NSUN6: variants seen among roughly 807,000 people sequenced by gnomAD.
The protein encoded by NSUN6 is NOP2/Sun RNA methyltransferase 6.
Under a neutral mutation model 58.0 loss-of-function variants are expected in NSUN6, and 64 were observed. That is an observed-to-expected ratio of 1.10 (90% CI 0.90 to 1.36). NSUN6 has a LOEUF of 1.36. Ranked by LOEUF, NSUN6 falls within the 40% of genes most tolerant of loss-of-function variation. NSUN6 has a pLI of 0.00. For synonymous variants in NSUN6, 231 were observed against 193.9 expected, an observed-to-expected ratio of 1.19 and a Z score of -1.59; for missense variants, 701 against 550.1, an observed-to-expected ratio of 1.27 and a Z score of -2.74.
At chr10:18,615,200 C>T (rs1315448265) in intron 4 of NSUN6, among the ~76,000 whole-genome samples, 1 of 151,652 alleles carries the variant, frequency 6.6e-6, no homozygotes, top group East Asian at 1.9e-4. Flanking sequence ...ATACAGTGTA[C>T]AGAGTTGCTT....
chr10:18,565,141 T>C (rs893751088), intron 8 of NSUN6, among the ~76,000 whole-genome samples: 3 of 151,294 alleles, frequency 2.0e-5, no homozygotes, highest in Non-Finnish European at 3.0e-5. Flanking sequence ...CCATTCTCCA[T>C]TGCATACCAT....
chr10:18,651,082 T>C (rs979394421), intron 1 of NSUN6, 47 bp downstream of exon 1: 2 of 1,571,284 alleles, frequency 1.3e-6, no homozygotes, highest in Non-Finnish European at 1.7e-6. Context: ...AGTGTGCGAA[T>C]ATTTGAGTTT....
At chr10:18,625,406 T>C (rs1328490108) in intron 3 of NSUN6, among the ~76,000 whole-genome samples, 1 of 152,090 alleles carries the variant, frequency 6.6e-6, no homozygotes, top group African/African-American at 2.4e-5. Flanking sequence ...CTACACTGTG[T>C]CTCATCAAAA....
Position 18,643,956 on chromosome 10 carries a change from A to C in NSUN6, c.232-1401T>G, listed in dbSNP as rs548157875. Among the ~76,000 whole-genome samples the C allele has an allele frequency of 6.6e-5, 10 of 152,306 alleles. No homozygotes were observed. The South Asian group carries it at 2.1e-3, about 32-fold the overall frequency. ...CCTTCATAACACACGTTTTTTTCCA[A>C]ACCAAGTATATCACCAGCTTCTTTT... is the stretch of plus-strand genomic sequence containing the variant. On this transcript the variant is annotated intron_variant, in intron 2 of 10. Coordinates refer to ENST00000377304, the MANE Select transcript of NSUN6 (RefSeq NM_182543.5).
rs574717837 is a variant in NSUN6, at chr10:18,595,955, T to A, written c.777+253A>T. Among the ~76,000 whole-genome samples the A allele has an allele frequency of 7.9e-4, 121 of 152,306 alleles. 2 individuals carry two copies. The South Asian group carries it at 0.025, about 31-fold the overall frequency. ...AGAAAATGAAATAATCTAAATGTAT[T>A]AAATTTAATTTCTTAACAGATTAAG... On this transcript the variant is annotated intron_variant, in intron 7 of 10. Transcript: ENST00000377304.
At chr10:18,596,448 G>A (rs2057590782) in intron 6 of NSUN6, 121 bp from the exon 7 acceptor site, 1 of 594,434 alleles carries the variant, frequency 1.7e-6, no homozygotes, top group Admixed American at 3.2e-5. Context: ...TCTGCTAAGA[G>A]GACAATTTTT....
intron 8 of NSUN6, among the ~76,000 whole-genome samples, chr10:18,578,136 G>T (rs1210445377): frequency 6.6e-6 from 1 of 152,036 alleles, no homozygotes; most frequent in Non-Finnish European, 1.5e-5. Context: ...TTATAACCAG[G>T]AGGTGCCCTG....
intron 7 of NSUN6, among the ~76,000 whole-genome samples, chr10:18,592,760 G>A (rs972084635): frequency 1.3e-5 from 2 of 152,094 alleles, no homozygotes; most frequent in African/African-American, 4.8e-5. Context: ...AAAAACCCTA[G>A]AAGAAAACCT....
intron 6 of NSUN6, among the ~76,000 whole-genome samples, chr10:18,604,052 G>A (rs1296567812): frequency 2.0e-5 from 3 of 152,028 alleles, no homozygotes; most frequent in Admixed American, 2.0e-4. Flanking sequence ...CATAGTGGCG[G>A]GGGCCTGCAG....
intron 7 of NSUN6, among the ~76,000 whole-genome samples, chr10:18,593,709 G>C (rs1382856355): frequency 6.6e-6 from 1 of 152,084 alleles, no homozygotes; most frequent in Non-Finnish European, 1.5e-5. Context: ...GCCTGTCAAA[G>C]GGTTGGAGGT....
intron 2 of NSUN6, among the ~76,000 whole-genome samples, chr10:18,647,809 ACTGCAACCTCCAC>A (rs1202377444): frequency 7.2e-6 from 1 of 139,230 alleles, no homozygotes; most frequent in Admixed American, 8.4e-5. Flanking sequence ...ATTTCGGCTC[ACTGCAACCTCCAC>A]CTCCCGGGTT....
intron 7 of NSUN6, among the ~76,000 whole-genome samples, chr10:18,595,561 T>C (rs993538426): frequency 1.3e-5 from 2 of 152,224 alleles, no homozygotes; most frequent in African/African-American, 4.8e-5. Flanking sequence ...AATGCATTTT[T>C]CCTTCAAGAG....
At position 18,586,038 on chromosome 10, in the gene NSUN6, TTC is replaced by T; in HGVS notation, c.831_832del (p.Asn278CysfsTer15). On this transcript the variant is annotated frameshift_variant, in exon 8 of 11. Transcript: ENST00000377304. LOFTEE classifies it high-confidence loss of function. ...GGAATTCAGCCCTAACAATAAGGCA[TTC>T]TGTTTGATTTTTTCTACTTTGTTGA... 3 of 1,611,262 alleles carry T rather than the reference TTC, an allele frequency of 1.9e-6. No individual in the cohort carries two copies. The highest frequency in any genetic ancestry group is 1.7e-6 in the Non-Finnish European group (2 of 1,178,828).
rs66875630 is a variant in NSUN6 at position 18,550,728 on chromosome 10, CTTT to C, written c.1071+1092_1071+1094del. Reference sequence around the variant, plus strand: ...TCTAAAGACGACCCCCAAAAAATCTCTTTTTTTTTTTTTTTTGAGACAATCTTA... The same window carrying C: ...TCTAAAGACGACCCCCAAAAAATCTCTTTTTTTTTTTTTGAGACAATCTTA... On this transcript the variant is annotated intron_variant, in intron 9 of 10. Coordinates refer to ENST00000377304, the MANE Select transcript of NSUN6 (RefSeq NM_182543.5). Among the ~76,000 whole-genome samples, 299 of 138,922 alleles carry C rather than the reference CTTT, an allele frequency of 2.2e-3. 2 individuals are homozygous for C. Among genetic ancestry groups the C allele is most frequent in the Middle Eastern group, 0.018 (5 of 274 alleles). The allele number at this position is 138,922 out of a possible 152,430, so 91.1% of individuals were successfully genotyped here.
intron 8 of NSUN6, among the ~76,000 whole-genome samples, chr10:18,560,682 ATGGAATGGAATG>A (rs1211752393): frequency 3.3e-5 from 5 of 150,698 alleles, no homozygotes; most frequent in Non-Finnish European, 4.4e-5. Context: ...GGAATGGAGA[ATGGAATGGAATG>A]TGGAATGGAA....
At chr10:18,591,847 A>G in intron 7 of NSUN6, among the ~76,000 whole-genome samples, 1 of 152,164 alleles carries the variant, frequency 6.6e-6, no homozygotes, top group East Asian at 1.9e-4. Context: ...TATTCAACAT[A>G]GTATTGGAAG....
intron 3 of NSUN6, among the ~76,000 whole-genome samples, chr10:18,632,100 G>C (rs892447499): frequency 4.8e-4 from 72 of 150,716 alleles, no homozygotes; most frequent in African/African-American, 1.5e-3. Context: ...AAATAATGCC[G>C]CATATCTACA....
intron 8 of NSUN6, among the ~76,000 whole-genome samples, chr10:18,577,380 G>A (rs185052164): frequency 3.3e-5 from 5 of 152,236 alleles, no homozygotes; most frequent in East Asian, 3.9e-4. Flanking sequence ...AAAGTGGTTC[G>A]GTAAATGGAA....
At chr10:18,573,401 C>T (rs1463889659) in intron 8 of NSUN6, among the ~76,000 whole-genome samples, 2 of 150,596 alleles carry the variant, frequency 1.3e-5, no homozygotes, top group Admixed American at 6.7e-5. Flanking sequence ...TCCATTCTCC[C>T]TTCCATTCCA....
Sources: allele counts gnomAD v4.1 joint callset (sites outside exome capture counted in the v4.1 genomes callset), GRCh38; gene constraint gnomAD v4.1.1; transcripts MANE v1.5; gene names NCBI Gene and HGNC (gene_info 2026-07-23, HGNC 2026-07-21).